The following PER2 variants were observed in gnomAD, a reference collection of about 807,000 sequenced individuals.
PER2 encodes period circadian protein homolog 2.
PER2 carries 66 observed loss-of-function variants against 121.0 expected under a neutral mutation model. The observed-to-expected ratio is 0.55, with a 90% confidence interval of 0.45 to 0.67. PER2 has a LOEUF of 0.67. Among genes scored for constraint, PER2 ranks in the 30% least tolerant of loss-of-function variants. The pLI, the probability that PER2 is intolerant of heterozygous loss-of-function variation, is 0.00. For synonymous variants in PER2, 684 were observed against 659.9 expected (o/e 1.04, Z -0.56); for missense variants, 1,521 against 1,635.0 (o/e 0.93, Z 1.20).
chr2:238,272,674 T>A (rs957312246), intron 5 of PER2, among the ~76,000 whole-genome samples: 4 of 152,230 alleles, frequency 2.6e-5, no homozygotes, highest in Non-Finnish European at 5.9e-5. Flanking sequence ...TGCTTAAGAA[T>A]GCACGGGCTT....
rs374342329 is a variant in PER2 at position 238,277,778 on chromosome 2, C to G, written c.159G>C (p.Ser53=). The change falls in exon 2 of 23, where the codon TCG becomes TCC. Residue 53 remains serine, a synonymous_variant. Transcript: ENST00000254657. ...CACTGTCGTCACAGTCACTGCCCTGCGAGTCCCGCCCCGTGGAGCAGTTTT... is the reference window on the plus strand; with the variant it reads ...CACTGTCGTCACAGTCACTGCCCTGGGAGTCCCGCCCCGTGGAGCAGTTTT... ...TNENCSTGRD[S]QGSDCDDSGK... 6.2e-7 allele frequency: 1 copy of G among 1,614,178 alleles called. No homozygotes were observed. Among genetic ancestry groups the G allele is most frequent in the Non-Finnish European group, 8.5e-7 (1 of 1,180,022 alleles).
intron 1 of PER2, among the ~76,000 whole-genome samples, chr2:238,287,791 C>T (rs1475802248): frequency 2.6e-5 from 4 of 152,178 alleles, no homozygotes; most frequent in Non-Finnish European, 4.4e-5. Context: ...GAAACCCTGG[C>T]AACCAACTCG....
chr2:238,254,056 C>T, intron 18 of PER2: 1 of 299,844 alleles, frequency 3.3e-6, no homozygotes, highest in South Asian at 3.4e-5. Context: ...TGCTGTTCCC[C>T]AGTATTTGGG....
intron 1 of PER2, among the ~76,000 whole-genome samples, chr2:238,282,350 C>T (rs11690460): frequency 2.0e-5 from 3 of 152,228 alleles, no homozygotes; most frequent in African/African-American, 2.4e-5. Context: ...GGGCTTTCCT[C>T]GCCAGCACTG....
chr2:238,267,632 G>A (rs1165006181), intron 8 of PER2, among the ~76,000 whole-genome samples: 1 of 152,192 alleles, frequency 6.6e-6, no homozygotes, highest in East Asian at 1.9e-4. Context: ...CTGAGGAACT[G>A]TTTGGGGTTC....
chr2:238,269,051 A>C (rs1696202491), intron 6 of PER2, 77 bp from the exon 7 acceptor site: 2 of 1,126,186 alleles, frequency 1.8e-6, no homozygotes, highest in African/African-American at 3.0e-5. Context: ...CAAACAAAAG[A>C]GGAGCAGCAG....
chr2:238,290,306 T>A (rs995070838), upstream of PER2, among the ~76,000 whole-genome samples: 1 of 150,628 alleles, frequency 6.6e-6, no homozygotes, highest in Non-Finnish European at 1.5e-5. Flanking sequence ...CCCTAACACA[T>A]ACACACACAA....
At chr2:238,248,022 C>T (rs1414792218) in intron 22 of PER2, among the ~76,000 whole-genome samples, 1 of 152,202 alleles carries the variant, frequency 6.6e-6, no homozygotes, top group African/African-American at 2.4e-5. Context: ...TCTGCCAACC[C>T]ACCAGCTGGG....
Position 238,253,131 on chromosome 2 carries a change from G to T in PER2, c.2892C>A (p.Ala964=). ...SIPRQPCACP[A]TRATPPSAMG... is the part of the protein sequence containing the mutation. ...TGGCCGATGGTGGGGTGGCCCGGGT[G>T]GCTGGACAAGCACATGGCTGTCTGG... Residue 964 remains alanine (A), a synonymous_variant, in exon 19 of 23, where the codon GCC becomes GCA. Transcript: ENST00000254657. This position sits in a 1 kb window ranked among gnomAD's most constrained non-coding sequence, Gnocchi z 5.6. 6.2e-7 allele frequency: 1 copy of T among 1,603,348 alleles called. No homozygotes were observed. Among genetic ancestry groups the T allele is most frequent in the South Asian group, 1.1e-5 (1 of 90,530 alleles).
intron 21 of PER2, 151 bp downstream of exon 21, chr2:238,250,400 A>C: frequency 1.5e-6 from 1 of 679,446 alleles, no homozygotes; most frequent in South Asian, 1.6e-5. Flanking sequence ...AGAATTGTCC[A>C]GAGGGAAGCC....
Position 238,255,644 on chromosome 2 carries a change from G to C in PER2, c.2320+13C>G, listed in dbSNP as rs74557767. 1.9e-6 allele frequency: 3 copies of C among 1,613,860 alleles called. No individual in the cohort carries two copies. Among genetic ancestry groups the C allele is most frequent in the South Asian group, 1.1e-5 (1 of 91,080 alleles). ...GTTTTTTAAAACGCACTTTTAATTC[G>C]GGTATCACTTACTTCGTTCACTTGG... On this transcript the variant is annotated intron_variant, in intron 18 of 22. Transcript: ENST00000254657.
At chr2:238,266,065 A>G (rs10929273) in intron 8 of PER2, among the ~76,000 whole-genome samples, 86,399 of 151,604 alleles carry the variant, frequency 0.57, 25,735 homozygotes, top group Non-Finnish European at 0.67. Context: ...CACCACGCCC[A>G]GCTAATTTTT....
At chr2:238,291,170 T>C (rs1696944707), upstream of PER2, among the ~76,000 whole-genome samples, 1 of 152,138 alleles carries the variant, frequency 6.6e-6, no homozygotes, top group Non-Finnish European at 1.5e-5. Context: ...GGTGGAGTGG[T>C]AAGCCAGGGT....
At position 238,244,643 on chromosome 2, in the gene PER2, A is replaced by C. The variant is rs1695396340; in HGVS notation, c.*1732T>G. 1 of 152,246 alleles carries C rather than the reference A, an allele frequency of 6.6e-6. No individual in the cohort carries two copies. The highest frequency in any genetic ancestry group is 1.5e-5 in the Non-Finnish European group (1 of 68,042). The allele number at this position is 152,246 out of a possible 1,614,324, so 9.4% of individuals were successfully genotyped here. On this transcript the variant is annotated 3_prime_UTR_variant, in exon 23 of 23. Transcript: ENST00000254657. Reference sequence around the variant, plus strand: ...TACTTTGTAAATTAACGAAAAATTAAAGTGTTCTTGTGTTTATGAAGAATA... The same window carrying C: ...TACTTTGTAAATTAACGAAAAATTACAGTGTTCTTGTGTTTATGAAGAATA...
At position 238,246,156 on chromosome 2, in the gene PER2, A is replaced by G. The variant is rs1006255568; in HGVS notation, c.*219T>C. ...CCCCATCCCACAAAACTCCACATAT[A>G]TATTTTATATATAAAAACATATTTC... On this transcript the variant is annotated 3_prime_UTR_variant, in exon 23 of 23. Transcript: ENST00000254657. 3 of 302,508 alleles carry G rather than the reference A, an allele frequency of 9.9e-6. No homozygotes were observed. Among genetic ancestry groups the G allele is most frequent in the African/African-American group, 4.3e-5 (2 of 46,186 alleles). 18.7% of individuals were successfully genotyped at this position (302,508 alleles called of 1,614,324 possible). A position where few individuals can be genotyped will look rare whatever the true frequency, so the allele number is the denominator to read the frequency against.
At chr2:238,295,161 A>T in the PER2 span, among the ~76,000 whole-genome samples, 5 of 152,362 alleles carry the variant, frequency 3.3e-5, no homozygotes, top group East Asian at 9.7e-4. Flanking sequence ...ATGGAAAAAC[A>T]TCACTTGTCC....
chr2:238,253,813 C>T lies in PER2; in HGVS notation c.2321-111G>A. On this transcript the variant is annotated intron_variant, in intron 18 of 22. Transcript: ENST00000254657. The surrounding 1 kb of genome is among the most constrained non-coding windows in gnomAD (Gnocchi z 5.6). ...AATGCTGGCCCAGGGCCTGCCTGGT[C>T]CACCGAGCGGTTTTCCCTGATCCTC... The T allele has an allele frequency of 1.2e-6, 1 of 843,040 alleles. No homozygotes were observed. Among genetic ancestry groups the T allele is most frequent in the Admixed American group, 2.0e-5 (1 of 49,456 alleles). The allele number at this position is 843,040 out of a possible 1,614,324, so 52.2% of individuals were successfully genotyped here. A position where few individuals can be genotyped will look rare whatever the true frequency, so the allele number is the denominator to read the frequency against.
chr2:238,292,731 T>C (rs1696969205), upstream of PER2, among the ~76,000 whole-genome samples: 1 of 151,910 alleles, frequency 6.6e-6, no homozygotes, highest in Non-Finnish European at 1.5e-5. Context: ...TGTTTTTCTT[T>C]TTCTTTCTCT....
intron 8 of PER2, among the ~76,000 whole-genome samples, chr2:238,266,058 C>T (rs868186685): frequency 2.0e-5 from 3 of 152,094 alleles, no homozygotes; most frequent in South Asian, 2.1e-4. Flanking sequence ...CGTGTGCCAC[C>T]ACGCCCAGCT....
Sources: allele counts gnomAD v4.1 joint callset (sites outside exome capture counted in the v4.1 genomes callset), GRCh38; gene constraint gnomAD v4.1.1; non-coding constraint Gnocchi (gnomAD v3.1); transcripts MANE v1.5; gene names NCBI Gene and HGNC (gene_info 2026-07-23, HGNC 2026-07-21).